The following SNX30 variants were observed in gnomAD, a reference collection of about 807,000 sequenced individuals.
The protein encoded by SNX30 is sorting nexin family member 30, also known as sorting nexin-30.
In SNX30, 24 loss-of-function variants were observed where a neutral mutation model predicts 46.4. That is an observed-to-expected ratio of 0.52 (90% CI 0.37 to 0.73). The LOEUF (loss-of-function observed/expected upper bound fraction) is 0.73, where lower values mean the gene tolerates loss of function less well. SNX30 is among the 30% of genes least tolerant of loss of function. SNX30 has a pLI of 0.00. For missense variants in SNX30, 533 were observed against 555.7 expected (o/e 0.96, Z 0.41); for synonymous variants, 189 against 211.5 (o/e 0.89, Z 0.92).
At chr9:112,837,775 C>A (rs777978009) in intron 5 of SNX30, among the ~76,000 whole-genome samples, 2 of 150,664 alleles carry the variant, frequency 1.3e-5, no homozygotes, top group Admixed American at 1.3e-4. Flanking sequence ...GTGCCTGGCC[C>A]CTGATTTTAT....
chr9:112,759,072 C>T (rs1205861930), intron 1 of SNX30, among the ~76,000 whole-genome samples: 2 of 151,592 alleles, frequency 1.3e-5, no homozygotes, highest in African/African-American at 2.4e-5. Flanking sequence ...TGCTTTGTTG[C>T]CCAGGCTGGT....
intron 1 of SNX30, among the ~76,000 whole-genome samples, chr9:112,795,853 A>G (rs1418405515): frequency 6.6e-6 from 1 of 152,064 alleles, no homozygotes. Context: ...GTGTTTGTGG[A>G]TAAGTTTGAT....
chr9:112,837,452 A>C (rs1840775328), intron 5 of SNX30, among the ~76,000 whole-genome samples: 1 of 151,134 alleles, frequency 6.6e-6, no homozygotes, highest in Non-Finnish European at 1.5e-5. Context: ...ATCCATTGTG[A>C]CTGTTTTTGT....
intron 2 of SNX30, among the ~76,000 whole-genome samples, chr9:112,809,044 A>C (rs2131408591): frequency 6.6e-6 from 1 of 152,256 alleles, no homozygotes; most frequent in South Asian, 2.1e-4. Flanking sequence ...TCTGATTCTA[A>C]AGATAATAAA....
chr9:112,822,409 T>C (rs1003063226), intron 3 of SNX30, among the ~76,000 whole-genome samples: 3 of 152,200 alleles, frequency 2.0e-5, no homozygotes, highest in Admixed American at 6.5e-5. Flanking sequence ...ATATACAGAA[T>C]AGCCTTGCAC....
At chr9:112,833,781 G>A (rs749234068) in intron 4 of SNX30, among the ~76,000 whole-genome samples, 1 of 152,188 alleles carries the variant, frequency 6.6e-6, no homozygotes, top group Non-Finnish European at 1.5e-5. Context: ...GAACTCTGAG[G>A]CTTCAGTTAT....
intron 1 of SNX30, among the ~76,000 whole-genome samples, chr9:112,770,055 GTCTTCC>G (rs1410436051): frequency 6.6e-6 from 1 of 152,064 alleles, no homozygotes. Context: ...CGCCTGACTC[GTCTTCC>G]TGCTTCCACC....
intron 7 of SNX30, among the ~76,000 whole-genome samples, chr9:112,853,023 G>A (rs558221983): frequency 1.3e-5 from 2 of 152,268 alleles, no homozygotes; most frequent in African/African-American, 4.8e-5. Flanking sequence ...GAGGCCCGGG[G>A]GAAGGCATTG....
At chr9:112,829,018 T>C (rs1459762700) in intron 3 of SNX30, among the ~76,000 whole-genome samples, 1 of 152,206 alleles carries the variant, frequency 6.6e-6, no homozygotes, top group Admixed American at 6.5e-5. Flanking sequence ...ATATGGACTT[T>C]TGTATCTGGC....
chr9:112,845,059 G>A (rs953646105), intron 6 of SNX30, among the ~76,000 whole-genome samples: 4 of 152,306 alleles, frequency 2.6e-5, no homozygotes, highest in Non-Finnish European at 5.9e-5. Flanking sequence ...TGAAGAAGCA[G>A]GATGTGAAAT....
chr9:112,851,033 A>G, intron 7 of SNX30, 88 bp downstream of exon 7: 2 of 1,001,928 alleles, frequency 2.0e-6, no homozygotes, highest in Non-Finnish European at 3.1e-6. Context: ...TGTATGACTA[A>G]GAGTGGTCAG....
chr9:112,885,392 T>TA, downstream of SNX30: 1 of 151,552 alleles, frequency 6.6e-6, no homozygotes, highest in East Asian at 1.9e-4. Flanking sequence ...CAAATCTATA[T>TA]CAAATCCTGT....
At chr9:112,828,979 C>T (rs1840619000) in intron 3 of SNX30, among the ~76,000 whole-genome samples, 2 of 152,156 alleles carry the variant, frequency 1.3e-5, no homozygotes, top group Admixed American at 6.5e-5. Context: ...TTTGCCTATT[C>T]TGGACATTTC....
At chr9:112,876,864 A>C (rs1448607351), downstream of SNX30, among the ~76,000 whole-genome samples, 1 of 149,102 alleles carries the variant, frequency 6.7e-6, no homozygotes, top group Non-Finnish European at 1.5e-5. Flanking sequence ...TGAACTCTGG[A>C]GGTGGAGGTT....
chr9:112,832,464 G>A (rs1840677748), intron 4 of SNX30, among the ~76,000 whole-genome samples: 1 of 75,422 alleles, frequency 1.3e-5, no homozygotes, highest in Admixed American at 1.4e-4. Context: ...GAGAGAGTGT[G>A]TGTGTGTGTG....
At chr9:112,845,720 C>T (rs1384865791) in intron 6 of SNX30, among the ~76,000 whole-genome samples, 1 of 152,146 alleles carries the variant, frequency 6.6e-6, no homozygotes, top group Non-Finnish European at 1.5e-5. Flanking sequence ...TATTGGCTGG[C>T]GATGGAGAAC....
Position 112,770,376 on chromosome 9 carries a change from T to C in SNX30, c.156+19219T>C, listed in dbSNP as rs778295259. On this transcript the variant is annotated intron_variant, in intron 1 of 8. Transcript: ENST00000374232. ...TTAGTAGAGATGGGGTTTCACCATGTTGGCCAGGCTGGTCTCGAACTCCCG... is the reference window on the plus strand; with the variant it reads ...TTAGTAGAGATGGGGTTTCACCATGCTGGCCAGGCTGGTCTCGAACTCCCG... Among the ~76,000 whole-genome samples the C allele has an allele frequency of 5.9e-5, 9 of 152,026 alleles. No homozygotes were observed. In the Middle Eastern group the frequency reaches 0.01, roughly 172 times the overall value.
At chr9:112,818,478 C>G (rs1168255969) in intron 3 of SNX30, among the ~76,000 whole-genome samples, 1 of 152,200 alleles carries the variant, frequency 6.6e-6, no homozygotes, top group Non-Finnish European at 1.5e-5. Flanking sequence ...GATCCACCGA[C>G]CTCAGCCTCC....
Position 112,777,600 on chromosome 9 carries a change from A to ATTTTTTT in SNX30, c.156+26465_156+26471dup, listed in dbSNP as rs55784760. On this transcript the variant is annotated intron_variant, in intron 1 of 8. Coordinates refer to ENST00000374232, the MANE Select transcript of SNX30 (RefSeq NM_001012994.2). Reference sequence around the variant, plus strand: ...TACCACCACACCCAGCTAGTTTTTAATTTTTTTTTTTTTTTTTTTTTTTTT... The same window carrying ATTTTTTT: ...TACCACCACACCCAGCTAGTTTTTAATTTTTTTTTTTTTTTTTTTTTTTTTTTTTTTT... 2.4e-4 allele frequency among the ~76,000 whole-genome samples: 18 copies of ATTTTTTT among 75,596 alleles called. 1 individual carries two copies. The highest frequency in any genetic ancestry group is 5.0e-4 in the African/African-American group (9 of 18,144). The allele number at this position is 75,596 out of a possible 152,430, so 49.6% of individuals were successfully genotyped here. A position where few individuals can be genotyped will look rare whatever the true frequency, so the allele number is the denominator to read the frequency against.
Sources: gnomAD v4.1 joint callset for allele counts (sites outside exome capture counted in the v4.1 genomes callset) on GRCh38, gnomAD v4.1.1 for gene constraint, MANE v1.5 for transcripts, NCBI Gene and HGNC (gene_info 2026-07-23, HGNC 2026-07-21) for gene names.